EBAG9: variants seen among roughly 807,000 people sequenced by gnomAD.
EBAG9 encodes receptor-binding cancer antigen expressed on SiSo cells.
Under a neutral mutation model 30.9 loss-of-function variants are expected in EBAG9, and 16 were observed. The ratio of observed to expected loss-of-function variants is 0.52; its 90% CI spans 0.35 to 0.79. The LOEUF (loss-of-function observed/expected upper bound fraction) is 0.79, where lower values mean the gene tolerates loss of function less well. Ranked by LOEUF, EBAG9 falls within the 30% of genes least tolerant of loss-of-function variation. EBAG9 has a pLI of 0.01. For missense variants in EBAG9, 197 were observed against 242.1 expected (o/e 0.81, Z 1.24); for synonymous variants, 93 against 82.8 (o/e 1.12, Z -0.67).
chr8:109,542,356 T>C (rs956854773), intron 1 of EBAG9, among the ~76,000 whole-genome samples: 2 of 152,290 alleles, frequency 1.3e-5, no homozygotes, highest in East Asian at 3.8e-4. Context: ...TTGGCAAATA[T>C]TTATAAAACA....
chr8:109,549,029 T>G (rs998000958), intron 1 of EBAG9, among the ~76,000 whole-genome samples: 1 of 151,758 alleles, frequency 6.6e-6, no homozygotes, highest in Non-Finnish European at 1.5e-5. Context: ...AGTCTCATAT[T>G]ACTGTAGGTT....
chr8:109,540,499 A>G (rs766455650), intron 1 of EBAG9, 38 bp downstream of exon 1: 5 of 152,088 alleles, frequency 3.3e-5, no homozygotes, highest in African/African-American at 4.8e-5. Context: ...TCACGTGGGT[A>G]ATCTGAAATG....
chr8:109,561,969 A>G (rs1430974777), intron 6 of EBAG9, among the ~76,000 whole-genome samples: 6 of 151,118 alleles, frequency 4.0e-5, no homozygotes, highest in African/African-American at 1.5e-4. Context: ...AGTTTTTAAA[A>G]TTTAGTTCTT....
In EBAG9 at chr8:109,560,908, G is replaced by A; in HGVS notation, c.500G>A (p.Trp167Ter). 1 of 1,612,602 alleles carries A rather than the reference G, an allele frequency of 6.2e-7. No homozygotes were observed. The highest frequency in any genetic ancestry group is 8.5e-7 in the Non-Finnish European group (1 of 1,179,178). Residue 167 changes from tryptophan to a stop codon, truncating the protein, a stop_gained, in exon 6 of 7, where the codon TGG becomes TAG. Transcript: ENST00000337573. LOFTEE classifies it high-confidence loss of function. ...TGGGAAGAAGAAGAAGATGCAGCCTGGCAAGCAGAAGAAGTTCTGAGGTAT... is the reference window on the plus strand; with the variant it reads ...TGGGAAGAAGAAGAAGATGCAGCCTAGCAAGCAGAAGAAGTTCTGAGGTAT... The part of the protein sequence containing the change: ...NAWEEEEDAA[W>*]QAEEVLRQQK...
In EBAG9 at chr8:109,557,054, A is replaced by G; in HGVS notation, c.429+12A>G. 1 of 1,537,616 alleles carries G rather than the reference A, an allele frequency of 6.5e-7. No homozygotes were observed. The highest frequency in any genetic ancestry group is 8.9e-7 in the Non-Finnish European group (1 of 1,122,242). ...TTATTCATCAGTCTGTAAGTATGTT[A>G]ATGGTTCTAGGGAAGGGTTTTGTTG... On this transcript the variant is annotated intron_variant, in intron 5 of 6. Transcript: ENST00000337573.
rs1821779586 is a variant in EBAG9 at position 109,564,554 on chromosome 8, T to A, written c.637T>A (p.Ser213Thr). Residue 213 changes from serine to threonine, a missense_variant, in exon 7 of 7, where the codon TCA becomes ACA. Coordinates refer to ENST00000337573, the MANE Select transcript of EBAG9 (RefSeq NM_004215.5). ...KEQNKIGVKL[S>T] The stretch of plus-strand genomic sequence containing the variant: ...ACAAAACAAAATTGGTGTGAAACTT[T>A]CATAACACATGTTCAAATTTTATCA... The A allele has an allele frequency of 6.2e-7, 1 of 1,611,590 alleles. No individual in the cohort carries two copies.
intron 6 of EBAG9, among the ~76,000 whole-genome samples, chr8:109,564,070 A>G (rs1821766134): frequency 6.6e-6 from 1 of 152,108 alleles, no homozygotes; most frequent in Admixed American, 6.6e-5. Context: ...ATCCCCAGAA[A>G]AAGATGTGGT....
intron 1 of EBAG9, among the ~76,000 whole-genome samples, chr8:109,549,503 A>G (rs1401105149): frequency 1.3e-5 from 2 of 152,032 alleles, no homozygotes; most frequent in African/African-American, 4.8e-5. Context: ...CAGTGAAGCC[A>G]TCTGTGTCTG....
At chr8:109,541,917 T>C (rs1035536382) in intron 1 of EBAG9, among the ~76,000 whole-genome samples, 2 of 152,232 alleles carry the variant, frequency 1.3e-5, no homozygotes, top group African/African-American at 4.8e-5. Flanking sequence ...TTTCCCTATT[T>C]TAGTGCAACT....
chr8:109,564,175 G>A (rs1165275748), intron 6 of EBAG9, among the ~76,000 whole-genome samples: 1 of 151,920 alleles, frequency 6.6e-6, no homozygotes, highest in Non-Finnish European at 1.5e-5. Context: ...CTATGACTTC[G>A]GGCAAGTCAC....
intron 6 of EBAG9, among the ~76,000 whole-genome samples, chr8:109,561,897 T>A (rs1821718642): frequency 6.6e-6 from 1 of 151,010 alleles, no homozygotes; most frequent in Admixed American, 6.6e-5. Context: ...GCCCTTTTTT[T>A]TTTTTTTTTT....
chr8:109,551,822 A>G (rs1310473731), intron 2 of EBAG9, among the ~76,000 whole-genome samples: 1 of 152,210 alleles, frequency 6.6e-6, no homozygotes, highest in African/African-American at 2.4e-5. Context: ...AGTGTTCAAC[A>G]GGCACACAAA....
At chr8:109,561,322 A>G (rs1367563158) in intron 6 of EBAG9, among the ~76,000 whole-genome samples, 1 of 151,888 alleles carries the variant, frequency 6.6e-6, no homozygotes, top group Non-Finnish European at 1.5e-5. Context: ...ATGATCTAGC[A>G]TAGTGCCCAG....
chr8:109,559,000 A>G (rs1821659139), intron 5 of EBAG9, among the ~76,000 whole-genome samples: 1 of 150,580 alleles, frequency 6.6e-6, no homozygotes, highest in African/African-American at 2.5e-5. Context: ...ATCAGATACC[A>G]CCCTTTTTAA....
At chr8:109,556,753 G>A (rs942580884) in intron 4 of EBAG9, among the ~76,000 whole-genome samples, 182 bp from the exon 5 acceptor site, 1 of 152,028 alleles carries the variant, frequency 6.6e-6, no homozygotes, top group African/African-American at 2.4e-5. Context: ...ATTTTTCTTA[G>A]TATGTAACTG....
chr8:109,552,072 C>G (rs1821505585), intron 2 of EBAG9, among the ~76,000 whole-genome samples: 1 of 151,924 alleles, frequency 6.6e-6, no homozygotes. Context: ...CAGCAATCAG[C>G]TCTTTTTTTA....
At chr8:109,553,819 C>T (rs1217226246) in intron 2 of EBAG9, 46 bp from the exon 3 acceptor site, 2 of 1,488,664 alleles carry the variant, frequency 1.3e-6, no homozygotes, top group East Asian at 4.7e-5. Flanking sequence ...TTTTACTTTG[C>T]TTGTTTTGGT....
chr8:109,552,337 C>T (rs1821511332), intron 2 of EBAG9, among the ~76,000 whole-genome samples: 1 of 150,648 alleles, frequency 6.6e-6, no homozygotes, highest in Non-Finnish European at 1.5e-5. Flanking sequence ...ATCACTGGGG[C>T]AGAAGTGAAG....
At chr8:109,564,343 G>T in intron 6 of EBAG9, 96 bp from the exon 7 acceptor site, 3 of 1,440,562 alleles carry the variant, frequency 2.1e-6, no homozygotes, top group Non-Finnish European at 1.9e-6. Flanking sequence ...CATTTTATTT[G>T]GTGATAATAA....
Sources: allele counts gnomAD v4.1 joint callset (sites outside exome capture counted in the v4.1 genomes callset), GRCh38; gene constraint gnomAD v4.1.1; transcripts MANE v1.5; gene names NCBI Gene and HGNC (gene_info 2026-07-23, HGNC 2026-07-21).